GALK2: variants seen among roughly 807,000 people sequenced by gnomAD.
GALK2 encodes the protein galactokinase 2, also known as N-acetylgalactosamine kinase.
Under a neutral mutation model 52.4 loss-of-function variants are expected in GALK2, and 36 were observed. The ratio of observed to expected loss-of-function variants is 0.69; its 90% confidence interval spans 0.53 to 0.91. The LOEUF is 0.91. Among genes scored for constraint, GALK2 ranks in the 40% least tolerant of loss-of-function variants. The pLI is 0.00. For missense variants in GALK2, 579 were observed against 559.1 expected, an observed-to-expected ratio of 1.04 and a Z score of -0.36; for synonymous variants, 176 against 199.1, an observed-to-expected ratio of 0.88 and a Z score of 0.98.
chr15:49,297,821 A>C (rs1371012926), intron 8 of GALK2, among the ~76,000 whole-genome samples: 2 of 152,154 alleles, frequency 1.3e-5, no homozygotes, highest in Non-Finnish European at 2.9e-5. Flanking sequence ...TGGTTACTGT[A>C]GCCTTGTAGT....
At chr15:49,345,444 T>G (rs543276277) in intron 3 of GALK2, among the ~76,000 whole-genome samples, 1 of 152,356 alleles carries the variant, frequency 6.6e-6, no homozygotes, top group East Asian at 1.9e-4. Context: ...AGATTTCTGT[T>G]GAAGTGTGTT....
At chr15:49,273,934 G>A (rs961366825) in intron 5 of GALK2, among the ~76,000 whole-genome samples, 2 of 152,156 alleles carry the variant, frequency 1.3e-5, no homozygotes, top group Admixed American at 1.3e-4. Flanking sequence ...TATTTCACTA[G>A]GACTGTTTAC....
chr15:49,299,756 TTTCTTTC>T (rs1567037483), intron 8 of GALK2, among the ~76,000 whole-genome samples: 3 of 137,818 alleles, frequency 2.2e-5, no homozygotes, highest in African/African-American at 5.6e-5. Context: ...TCTTTCTTTC[TTTCTTTC>T]TTTCTTTCTT....
chr15:49,324,265 A>C (rs985506715), intron 9 of GALK2, among the ~76,000 whole-genome samples: 1 of 152,154 alleles, frequency 6.6e-6, no homozygotes, highest in African/African-American at 2.4e-5. Flanking sequence ...GTCTTTCTGC[A>C]ATGTATTCCA....
chr15:49,256,561 A>G (rs1489235747), intron 5 of GALK2, among the ~76,000 whole-genome samples: 5 of 152,202 alleles, frequency 3.3e-5, no homozygotes, highest in African/African-American at 1.2e-4. Context: ...TATAGGAGGC[A>G]GACAGATAGT....
chr15:49,309,805 A>T (rs1010361586), intron 8 of GALK2, among the ~76,000 whole-genome samples: 4 of 151,996 alleles, frequency 2.6e-5, no homozygotes, highest in Admixed American at 2.6e-4. Flanking sequence ...TTTTTAGTAG[A>T]GACAGGTTTC....
intron 3 of GALK2, among the ~76,000 whole-genome samples, chr15:49,234,314 G>A (rs2090670047): frequency 1.3e-5 from 2 of 152,112 alleles, no homozygotes; most frequent in South Asian, 4.1e-4. Context: ...TTAGTATATT[G>A]TATCAAGGAG....
intron 5 of GALK2, among the ~76,000 whole-genome samples, chr15:49,274,965 A>C (rs2031416944): frequency 6.6e-6 from 1 of 152,086 alleles, no homozygotes; most frequent in African/African-American, 2.4e-5. Flanking sequence ...ACTGTTTTAC[A>C]GTTAACTTTT....
At position 49,292,551 on chromosome 15, in the gene GALK2, A is replaced by G. The variant is rs563035391; in HGVS notation, c.967+14A>G. ...ACACTCAAGATGGTGAGTTGGCTGGAGAAAGTATGATATATGTTATTCCCT... is the reference window on the plus strand; with the variant it reads ...ACACTCAAGATGGTGAGTTGGCTGGGGAAAGTATGATATATGTTATTCCCT... On this transcript the variant is annotated intron_variant, in intron 8 of 9. Coordinates refer to ENST00000560031, the MANE Select transcript of GALK2 (RefSeq NM_002044.4). 9 of 1,603,648 alleles carry G rather than the reference A, an allele frequency of 5.6e-6. No homozygotes were observed. In the East Asian group the frequency reaches 1.8e-4, roughly 32 times the overall value.
chr15:49,303,123 A>G (rs1441909673), intron 8 of GALK2, among the ~76,000 whole-genome samples: 1 of 152,124 alleles, frequency 6.6e-6, no homozygotes, highest in Non-Finnish European at 1.5e-5. Flanking sequence ...GGTTCATGCC[A>G]GGAATAAAGG....
chr15:49,196,166 T>C lies in GALK2; in HGVS notation c.54-4996T>C, dbSNP rs78413271. Among the ~76,000 whole-genome samples the C allele has an allele frequency of 1.1e-3, 174 of 152,250 alleles. 2 individuals are homozygous for C. The East Asian group carries it at 0.029, about 25-fold the overall frequency. On this transcript the variant is annotated intron_variant, in intron 1 of 9. Coordinates refer to ENST00000560031, the MANE Select transcript of GALK2 (RefSeq NM_002044.4). The stretch of plus-strand genomic sequence containing the variant: ...CCCATATCATTACTTTCTGTTCTTA[T>C]CTTTTTTGTGTCATTCTTTTTGTTT...
chr15:49,334,334 G>T, downstream of GALK2: 1 of 615,318 alleles, frequency 1.6e-6, no homozygotes, highest in Non-Finnish European at 2.0e-6. Context: ...AAATAATGCA[G>T]GCATTACTAA....
At chr15:49,179,431 A>C (rs1412501097) in intron 1 of GALK2, among the ~76,000 whole-genome samples, 1 of 152,178 alleles carries the variant, frequency 6.6e-6, no homozygotes, top group Non-Finnish European at 1.5e-5. Flanking sequence ...TATTGAAGAG[A>C]AAACAAGCAC....
At chr15:49,164,637 C>T (rs116226363) in intron 1 of GALK2, among the ~76,000 whole-genome samples, 10,284 of 151,614 alleles carry the variant, frequency 0.068, 728 homozygotes, top group African/African-American at 0.17. Context: ...AAAAATTAGC[C>T]GAGCGTGGTG....
downstream of GALK2, among the ~76,000 whole-genome samples, chr15:49,335,260 C>T (rs1009889301): frequency 2.5e-4 from 38 of 152,316 alleles, no homozygotes; most frequent in South Asian, 4.1e-4. Flanking sequence ...TTACAACATA[C>T]ACCCTTGACA....
upstream of GALK2, among the ~76,000 whole-genome samples, chr15:49,169,358 G>C (rs569734382): frequency 1.3e-5 from 2 of 151,904 alleles, no homozygotes; most frequent in Non-Finnish European, 2.9e-5. Context: ...ACTAGATTGA[G>C]AGTTAATAGA....
chr15:49,259,233 A>G (rs2091969913), intron 5 of GALK2, among the ~76,000 whole-genome samples: 1 of 151,620 alleles, frequency 6.6e-6, no homozygotes, highest in African/African-American at 2.4e-5. Context: ...ACATGTGCAC[A>G]ATGTGCAGGT....
At chr15:49,166,403 G>A (rs1186107941), upstream of GALK2, among the ~76,000 whole-genome samples, 1 of 152,064 alleles carries the variant, frequency 6.6e-6, no homozygotes, top group Non-Finnish European at 1.5e-5. Context: ...ATACACTAGA[G>A]AGCAGTATCT....
At chr15:49,308,497 G>C (rs1276405034) in intron 8 of GALK2, among the ~76,000 whole-genome samples, 1 of 152,212 alleles carries the variant, frequency 6.6e-6, no homozygotes, top group Non-Finnish European at 1.5e-5. Flanking sequence ...ATTATCCTGA[G>C]ATAGTCTTCA....
Sources: allele counts gnomAD v4.1 joint callset (sites outside exome capture counted in the v4.1 genomes callset), GRCh38; gene constraint gnomAD v4.1.1; transcripts MANE v1.5; gene names NCBI Gene and HGNC (gene_info 2026-07-23, HGNC 2026-07-21).